The following CDH4 variants were observed in gnomAD, a reference collection of about 807,000 sequenced individuals.
CDH4 encodes the protein cadherin 4.
In CDH4, 33 loss-of-function variants were observed where a neutral mutation model predicts 86.0. The observed-to-expected ratio is 0.38, with a 90% CI of 0.29 to 0.51. CDH4 has a LOEUF of 0.51. Among genes scored for constraint, CDH4 ranks in the 20% least tolerant of loss-of-function variants. The probability of loss-of-function intolerance (pLI) is 0.86; values close to 1 mark genes in which losing one functional copy is unlikely to be tolerated. For synonymous variants in CDH4, 555 were observed against 549.4 expected, an observed-to-expected ratio of 1.01 and a Z score of -0.14; for missense variants, 1,114 against 1,307.4, an observed-to-expected ratio of 0.85 and a Z score of 2.28.
chr20:61,580,425 C>T (rs1204796718), intron 2 of CDH4, among the ~76,000 whole-genome samples: 1 of 152,108 alleles, frequency 6.6e-6, no homozygotes, highest in Non-Finnish European at 1.5e-5. Flanking sequence ...CACTCCACTC[C>T]AGTCTGGGTG....
chr20:61,617,936 A>G (rs1377337747), intron 2 of CDH4, among the ~76,000 whole-genome samples: 1 of 152,122 alleles, frequency 6.6e-6, no homozygotes, highest in Non-Finnish European at 1.5e-5. Flanking sequence ...TAGTGAGTGA[A>G]TGTCATGAGA....
intron 2 of CDH4, among the ~76,000 whole-genome samples, chr20:61,451,056 G>C (rs2085376382): frequency 6.6e-6 from 1 of 152,026 alleles, no homozygotes; most frequent in African/African-American, 2.4e-5. Context: ...AGGCTCAAGA[G>C]AGCGGAGGGT....
intron 2 of CDH4, among the ~76,000 whole-genome samples, chr20:61,503,882 G>A (rs556578781): frequency 2.0e-4 from 30 of 152,324 alleles, no homozygotes; most frequent in South Asian, 1.0e-3. Flanking sequence ...TTCCCACAGC[G>A]TGAAGGTGTT....
intron 2 of CDH4, among the ~76,000 whole-genome samples, chr20:61,453,971 G>C (rs1011997615): frequency 6.6e-6 from 1 of 152,202 alleles, no homozygotes; most frequent in African/African-American, 2.4e-5. Context: ...GGATAGGTTT[G>C]CTTCCCCTTC....
intron 2 of CDH4, among the ~76,000 whole-genome samples, chr20:61,444,909 G>A (rs1448148858): frequency 3.3e-5 from 5 of 150,868 alleles, no homozygotes; most frequent in African/African-American, 4.9e-5. Flanking sequence ...GTGTGTCTGC[G>A]TGTGTGTGTC....
intron 2 of CDH4, among the ~76,000 whole-genome samples, chr20:61,713,724 G>A (rs560270664): frequency 8.5e-5 from 13 of 152,222 alleles, no homozygotes; most frequent in Admixed American, 2.0e-4. Context: ...TGTGAGCAGC[G>A]AGGGAGGGGG....
At chr20:61,578,694 T>A (rs1338376444) in intron 2 of CDH4, among the ~76,000 whole-genome samples, 1 of 152,146 alleles carries the variant, frequency 6.6e-6, no homozygotes, top group African/African-American at 2.4e-5. Context: ...TTGCTGTGCA[T>A]GGAAAGTCTG....
intron 2 of CDH4, among the ~76,000 whole-genome samples, chr20:61,605,337 G>C (rs6142807): frequency 0.66 from 99,562 of 151,138 alleles, 33,461 homozygotes; most frequent in East Asian, 0.78. Context: ...CTCTCTCTCT[G>C]TGTGTCTCTC....
intron 2 of CDH4, among the ~76,000 whole-genome samples, chr20:61,527,743 C>T (rs923364400): frequency 1.3e-5 from 2 of 151,862 alleles, no homozygotes; most frequent in Non-Finnish European, 2.9e-5. Context: ...TGAGTGAGGG[C>T]CTTGTGGAGA....
intron 2 of CDH4, among the ~76,000 whole-genome samples, chr20:61,545,526 C>T (rs2086071855): frequency 6.6e-6 from 1 of 152,216 alleles, no homozygotes; most frequent in Non-Finnish European, 1.5e-5. Context: ...CACATCTTCC[C>T]CACTCTGTCC....
chr20:61,512,711 G>T (rs1304195329), intron 2 of CDH4, among the ~76,000 whole-genome samples: 1 of 152,216 alleles, frequency 6.6e-6, no homozygotes, highest in South Asian at 2.1e-4. Flanking sequence ...GTGGTGCCTG[G>T]GGACCTACAG....
At chr20:61,907,798 C>G (rs969260691) in intron 8 of CDH4, among the ~76,000 whole-genome samples, 1 of 152,160 alleles carries the variant, frequency 6.6e-6, no homozygotes, top group Non-Finnish European at 1.5e-5. Flanking sequence ...CACTAGACAT[C>G]GGGAGTGGTG....
At chr20:61,920,650 CGTG>C (rs1568888338) in intron 9 of CDH4, among the ~76,000 whole-genome samples, 2 of 145,490 alleles carry the variant, frequency 1.4e-5, no homozygotes, top group Non-Finnish European at 1.5e-5. Context: ...TGCATGGAAG[CGTG>C]GTGTCACAGT....
intron 2 of CDH4, among the ~76,000 whole-genome samples, chr20:61,638,026 C>T (rs766797444): frequency 2.6e-4 from 10 of 38,672 alleles, no homozygotes; most frequent in African/African-American, 1.1e-3. Flanking sequence ...AATAAAACTC[C>T]GTCTAAAAAA....
chr20:61,476,632 C>A (rs1366481051), intron 2 of CDH4, among the ~76,000 whole-genome samples: 1 of 152,224 alleles, frequency 6.6e-6, no homozygotes, highest in East Asian at 1.9e-4. Flanking sequence ...GAGCTGCTCG[C>A]CCCACCTTCA....
At chr20:61,479,267 T>G (rs886678883) in intron 2 of CDH4, among the ~76,000 whole-genome samples, 2 of 152,150 alleles carry the variant, frequency 1.3e-5, no homozygotes, top group Non-Finnish European at 2.9e-5. Flanking sequence ...TTGTTACATA[T>G]GTATACATGT....
At chr20:61,785,598 T>TCACCCAGGTGGACAGGGCCCC (rs1358034294) in intron 4 of CDH4, among the ~76,000 whole-genome samples, 41 of 150,982 alleles carry the variant, frequency 2.7e-4, no homozygotes, top group Non-Finnish European at 3.5e-4. Context: ...CGCAGAGCCC[T>TCACCCAGGTGGACAGGGCCCC]CACCCAGGTG....
intron 2 of CDH4, among the ~76,000 whole-genome samples, chr20:61,541,808 G>C (rs1050187574): frequency 1.3e-5 from 2 of 152,202 alleles, no homozygotes; most frequent in African/African-American, 4.8e-5. Flanking sequence ...GCCAGTGAGT[G>C]TGCCAGGATC....
At chr20:61,826,799 A>G (rs1981337104) in intron 4 of CDH4, among the ~76,000 whole-genome samples, 1 of 152,280 alleles carries the variant, frequency 6.6e-6, no homozygotes, top group South Asian at 2.1e-4. Flanking sequence ...TGGTGGCCTC[A>G]TGGCCTCCTA....
Sources: gnomAD v4.1 joint callset for allele counts (sites outside exome capture counted in the v4.1 genomes callset) on GRCh38, gnomAD v4.1.1 for gene constraint, MANE v1.5 for transcripts, NCBI Gene and HGNC (gene_info 2026-07-23, HGNC 2026-07-21) for gene names.